Variants in RBM17 observed in about 807,000 individuals in gnomAD.
The protein encoded by RBM17 is splicing factor 45.
Under a neutral mutation model 53.2 loss-of-function variants are expected in RBM17, and 7 were observed. The ratio of observed to expected loss-of-function variants is 0.13; its 90% CI spans 0.07 to 0.25. The LOEUF (loss-of-function observed/expected upper bound fraction) is 0.25. RBM17 is among the 10% of genes least tolerant of loss of function. The pLI, the probability that RBM17 is intolerant of heterozygous loss-of-function variation, is 1.00. For missense variants in RBM17, 257 were observed against 496.7 expected (o/e 0.52, Z 4.59); for synonymous variants, 167 against 178.1 (o/e 0.94, Z 0.50).
intron 2 of RBM17, among the ~76,000 whole-genome samples, chr10:6,098,338 G>A (rs571299471): frequency 6.6e-6 from 1 of 152,124 alleles, no homozygotes; most frequent in African/African-American, 2.4e-5. Context: ...AATTAAAGTT[G>A]AGAAAAAGTA....
At chr10:6,091,065 A>AT (rs1185285669) in intron 1 of RBM17, among the ~76,000 whole-genome samples, 3 of 147,976 alleles carry the variant, frequency 2.0e-5, no homozygotes, top group Non-Finnish European at 4.5e-5. Context: ...ATATACATAT[A>AT]TTTTTTTCTC....
At position 6,117,329 on chromosome 10, in the gene RBM17, T is replaced by C. The variant is rs1840936269; in HGVS notation, c.*1773T>C. ...TAATGAATTTCTGATAGTCGAATAA[T>C]TTCTAAATCTCCTGCAAGTTAGTAC... is the stretch of plus-strand genomic sequence containing the variant. On this transcript the variant is annotated 3_prime_UTR_variant, in exon 12 of 12. Coordinates refer to ENST00000379888, the MANE Select transcript of RBM17 (RefSeq NM_032905.5). The C allele has an allele frequency of 6.6e-6, 1 of 152,182 alleles. No homozygotes were observed. The highest frequency in any genetic ancestry group is 1.5e-5 in the Non-Finnish European group (1 of 68,040). 9.4% of individuals were successfully genotyped at this position (152,182 alleles called of 1,614,324 possible). A position where few individuals can be genotyped will look rare whatever the true frequency, so the allele number is the denominator to read the frequency against.
At chr10:6,101,926 C>T (rs373845580) in intron 3 of RBM17, among the ~76,000 whole-genome samples, 168 of 152,284 alleles carry the variant, frequency 1.1e-3, no homozygotes, top group Non-Finnish European at 2.0e-3. Flanking sequence ...CTTCTACCAC[C>T]CTAACCTGTA....
intron 5 of RBM17, 76 bp from the exon 6 acceptor site, chr10:6,108,610 A>G (rs981920605): frequency 8.5e-7 from 1 of 1,176,740 alleles, no homozygotes; most frequent in Non-Finnish European, 1.3e-6. Flanking sequence ...TGGGTGATAG[A>G]TATATGGTGT....
rs764707987 is a variant in RBM17, at chr10:6,112,249, C to T, written c.744C>T (p.Phe248=). 17 of 1,613,562 alleles carry T rather than the reference C, an allele frequency of 1.1e-5. No homozygotes were observed. The South Asian group carries it at 1.8e-4, about 17-fold the overall frequency. The change falls in exon 8 of 12, where the codon TTC becomes TTT. Residue 248 remains phenylalanine, a synonymous_variant. Transcript: ENST00000379888. The surrounding 1 kb of genome is among the most constrained non-coding windows in gnomAD (Gnocchi z 4.4). ...VAHKIMQKYG[F]REGQGLGKHE... Reference sequence around the variant, plus strand: ...ACAAGATCATGCAGAAGTACGGCTTCCGGGAGGGCCAGGGTCTGGGGAAGC... The same window carrying T: ...ACAAGATCATGCAGAAGTACGGCTTTCGGGAGGGCCAGGGTCTGGGGAAGC...
rs71390121 is a variant in RBM17 at position 6,093,968 on chromosome 10, ATTTTTTTTT to A, written c.-18-3064_-18-3056del. ...CCCATCACATGAAGTCAAGTGTGGA[ATTTTTTTTT>A]TTTTTTTTTTTTTTTGAGACAGAGT... On this transcript the variant is annotated intron_variant, in intron 1 of 11. Coordinates refer to ENST00000379888, the MANE Select transcript of RBM17 (RefSeq NM_032905.5). Among the ~76,000 whole-genome samples the A allele has an allele frequency of 6.7e-3, 622 of 93,304 alleles. 5 individuals are homozygous for A. The highest frequency in any genetic ancestry group is 0.025 in the African/African-American group (572 of 22,652). The allele number at this position is 93,304 out of a possible 152,430, so 61.2% of individuals were successfully genotyped here.
intron 10 of RBM17, chr10:6,114,405 C>T (rs550133576): frequency 1.1e-5 from 4 of 356,644 alleles, no homozygotes; most frequent in South Asian, 2.5e-5. Flanking sequence ...TTGATTCTAG[C>T]GTGCTCAGTA....
intron 5 of RBM17, among the ~76,000 whole-genome samples, chr10:6,108,186 G>A (rs906442000): frequency 3.3e-5 from 5 of 152,168 alleles, no homozygotes; most frequent in African/African-American, 1.2e-4. Context: ...GTGTGGTGGG[G>A]GAGATATGGC....
At chr10:6,108,084 A>T (rs192875703) in intron 5 of RBM17, among the ~76,000 whole-genome samples, 1 of 152,304 alleles carries the variant, frequency 6.6e-6, no homozygotes, top group Non-Finnish European at 1.5e-5. Flanking sequence ...AATAGTGACA[A>T]CACGCAGCAG....
chr10:6,107,048 T>G (rs1840758550), intron 5 of RBM17, among the ~76,000 whole-genome samples: 1 of 152,250 alleles, frequency 6.6e-6, no homozygotes, highest in African/African-American at 2.4e-5. Context: ...ATGGAAGTAT[T>G]TCAAAGGAAA....
intron 9 of RBM17, 74 bp from the exon 10 acceptor site, chr10:6,113,975 C>A: frequency 1.1e-6 from 1 of 943,202 alleles, no homozygotes; most frequent in South Asian, 1.5e-5. Flanking sequence ...ATCACTAAGT[C>A]ATATTTATAT....
intron 1 of RBM17, among the ~76,000 whole-genome samples, chr10:6,095,939 C>T (rs1420044546): frequency 2.0e-5 from 3 of 152,146 alleles, no homozygotes; most frequent in African/African-American, 7.2e-5. Flanking sequence ...AAATATTTTC[C>T]TCCTCTCCTG....
At chr10:6,115,120 A>G (rs1208806356) in intron 10 of RBM17, 119 bp from the exon 11 acceptor site, 7 of 753,946 alleles carry the variant, frequency 9.3e-6, no homozygotes, top group East Asian at 2.7e-5. Context: ...GTATTTGACA[A>G]CTACTTGACT....
At chr10:6,106,100 G>A in intron 4 of RBM17, 41 bp from the exon 5 acceptor site, 2 of 1,382,318 alleles carry the variant, frequency 1.4e-6, no homozygotes, top group South Asian at 2.3e-5. Context: ...TCTCTAAATT[G>A]GTTCATCTGT....
intron 2 of RBM17, among the ~76,000 whole-genome samples, chr10:6,098,951 T>C (rs1387864546): frequency 6.6e-6 from 1 of 152,200 alleles, no homozygotes; most frequent in Non-Finnish European, 1.5e-5. Context: ...TGTTCAGTAT[T>C]GTAGAGAGGT....
At chr10:6,102,861 G>A (rs1161926642) in intron 3 of RBM17, among the ~76,000 whole-genome samples, 1 of 152,166 alleles carries the variant, frequency 6.6e-6, no homozygotes, top group Non-Finnish European at 1.5e-5. Flanking sequence ...GAGCAGTGGT[G>A]CAATCTTGGC....
chr10:6,114,246 C>T, intron 10 of RBM17, 99 bp downstream of exon 10: 2 of 671,408 alleles, frequency 3.0e-6, no homozygotes, highest in Non-Finnish European at 5.3e-6. Context: ...AAGTAACATT[C>T]TTACTGCAGA....
At chr10:6,111,046 TAGGAA>T (rs1367152363) in intron 7 of RBM17, among the ~76,000 whole-genome samples, 1 of 152,248 alleles carries the variant, frequency 6.6e-6, no homozygotes, top group Non-Finnish European at 1.5e-5. Context: ...AACTTGTGCT[TAGGAA>T]AGATGCAAGA....
intron 5 of RBM17, among the ~76,000 whole-genome samples, chr10:6,106,851 A>G (rs1429565876): frequency 6.6e-6 from 1 of 152,142 alleles, no homozygotes; most frequent in Non-Finnish European, 1.5e-5. Flanking sequence ...GTAGCTCATG[A>G]TAGGGAGGTA....
Sources: gnomAD v4.1 joint callset for allele counts (sites outside exome capture counted in the v4.1 genomes callset) on GRCh38, gnomAD v4.1.1 for gene constraint, Gnocchi (gnomAD v3.1) non-coding constraint, MANE v1.5 for transcripts, NCBI Gene and HGNC (gene_info 2026-07-23, HGNC 2026-07-21) for gene names.